Variants in CTNNA3 observed in about 807,000 individuals in gnomAD.
The protein encoded by CTNNA3 is catenin alpha-3.
CTNNA3 carries 76 observed loss-of-function variants against 95.7 expected under a neutral mutation model. The observed-to-expected ratio is 0.79, with a 90% CI of 0.66 to 0.96. The LOEUF (loss-of-function observed/expected upper bound fraction) is 0.96. Among genes scored for constraint, CTNNA3 ranks in the 40% least tolerant of loss-of-function variants. CTNNA3 has a pLI of 0.00. For synonymous variants in CTNNA3, 431 were observed against 374.4 expected, an observed-to-expected ratio of 1.15 and a Z score of -1.74; for missense variants, 1,191 against 1,089.8, an observed-to-expected ratio of 1.09 and a Z score of -1.31.
intron 10 of CTNNA3, among the ~76,000 whole-genome samples, chr10:66,548,093 T>G (rs1156927944): frequency 6.6e-6 from 1 of 152,014 alleles, no homozygotes; most frequent in Non-Finnish European, 1.5e-5. Context: ...CATTTTGTAT[T>G]TTTAGTAGAG....
chr10:67,729,990 A>G (rs1589583656), intron 1 of CTNNA3, among the ~76,000 whole-genome samples: 1 of 152,166 alleles, frequency 6.6e-6, no homozygotes, highest in African/African-American at 2.4e-5. Context: ...AAAAAAATGT[A>G]AGAGGAAAAT....
At chr10:66,755,128 T>C (rs564222455) in intron 9 of CTNNA3, among the ~76,000 whole-genome samples, 1 of 152,294 alleles carries the variant, frequency 6.6e-6, no homozygotes, top group East Asian at 1.9e-4. Context: ...GAACTGGGCA[T>C]AAGCCGGAAT....
At chr10:66,543,595 G>C (rs951691871) in intron 10 of CTNNA3, among the ~76,000 whole-genome samples, 1 of 151,960 alleles carries the variant, frequency 6.6e-6, no homozygotes, top group Non-Finnish European at 1.5e-5. Flanking sequence ...ATTTCTGGTA[G>C]AGAAATTACA....
chr10:67,295,675 A>G (rs1840004493), intron 5 of CTNNA3, among the ~76,000 whole-genome samples: 1 of 152,246 alleles, frequency 6.6e-6, no homozygotes, highest in Admixed American at 6.5e-5. Context: ...AATGAAATCA[A>G]TAAAATCAGG....
chr10:67,652,726 TC>T (rs1839911979), intron 1 of CTNNA3, among the ~76,000 whole-genome samples: 2 of 113,290 alleles, frequency 1.8e-5, no homozygotes, highest in South Asian at 5.2e-4. Context: ...TCTACTCAAT[TC>T]AATTCCCTTA....
intron 8 of CTNNA3, among the ~76,000 whole-genome samples, chr10:66,774,521 C>T (rs1206913048): frequency 3.3e-5 from 5 of 151,880 alleles, no homozygotes; most frequent in Admixed American, 2.6e-4. Context: ...TTTTCACAGA[C>T]TTCAACATTA....
chr10:67,218,369 C>T (rs1051162635), intron 6 of CTNNA3, among the ~76,000 whole-genome samples: 4 of 152,114 alleles, frequency 2.6e-5, no homozygotes, highest in African/African-American at 9.7e-5. Context: ...ATACCCTTCC[C>T]AGGGTAGAGT....
chr10:66,614,119 G>GT (rs2132293939), intron 10 of CTNNA3, among the ~76,000 whole-genome samples: 1 of 152,196 alleles, frequency 6.6e-6, no homozygotes, highest in Admixed American at 6.5e-5. Flanking sequence ...ACAAGTTGCT[G>GT]TTTTTACAAA....
At chr10:66,009,331 T>G (rs1205559763) in intron 15 of CTNNA3, among the ~76,000 whole-genome samples, 1 of 152,084 alleles carries the variant, frequency 6.6e-6, no homozygotes, top group Non-Finnish European at 1.5e-5. Flanking sequence ...AAACAATGGG[T>G]CGCACTTAAG....
intron 5 of CTNNA3, among the ~76,000 whole-genome samples, chr10:67,367,768 A>G (rs1589221349): frequency 1.3e-5 from 2 of 152,186 alleles, no homozygotes; most frequent in Non-Finnish European, 2.9e-5. Flanking sequence ...CTGCAGCTGG[A>G]AGCCAATATC....
chr10:66,892,256 C>G lies in CTNNA3; in HGVS notation c.1048-116732G>C, dbSNP rs137896475. 3.5e-3 allele frequency among the ~76,000 whole-genome samples: 539 copies of G among 152,118 alleles called. 2 individuals are homozygous for G. Among genetic ancestry groups the G allele is most frequent in the African/African-American group, 0.012 (511 of 41,526 alleles). ...CTCCAAAACACTGAACTTTTAATTA[C>G]GGACGATGTCAAAATGCAATGTGTT... On this transcript the variant is annotated intron_variant, in intron 7 of 17. Coordinates refer to ENST00000433211, the MANE Select transcript of CTNNA3 (RefSeq NM_013266.4).
chr10:66,213,275 G>C (rs1025004727), intron 13 of CTNNA3, among the ~76,000 whole-genome samples: 2 of 152,094 alleles, frequency 1.3e-5, no homozygotes, highest in East Asian at 1.9e-4. Context: ...ATTTGAAGAT[G>C]AGTGTAGAAA....
chr10:67,070,671 C>T (rs10997493), intron 7 of CTNNA3, among the ~76,000 whole-genome samples: 4 of 151,650 alleles, frequency 2.6e-5, no homozygotes, highest in Admixed American at 6.6e-5. Context: ...CGCTTGAACC[C>T]GGGAGGCGGA....
At chr10:66,114,950 G>T (rs1399262798) in intron 13 of CTNNA3, among the ~76,000 whole-genome samples, 1 of 151,726 alleles carries the variant, frequency 6.6e-6, no homozygotes, top group African/African-American at 2.4e-5. Flanking sequence ...TCTATGGGTT[G>T]TAGAATATTA....
intron 9 of CTNNA3, among the ~76,000 whole-genome samples, chr10:66,683,194 A>G (rs1847127772): frequency 6.6e-6 from 1 of 152,186 alleles, no homozygotes; most frequent in African/African-American, 2.4e-5. Flanking sequence ...TGTCAAATAT[A>G]TTCAAACAAC....
intron 5 of CTNNA3, among the ~76,000 whole-genome samples, chr10:67,452,972 G>C (rs571935723): frequency 6.6e-6 from 1 of 152,302 alleles, no homozygotes; most frequent in Non-Finnish European, 1.5e-5. Flanking sequence ...AATAGTAGTG[G>C]AGGGTATTAG....
In CTNNA3 at chr10:65,946,508, C is replaced by T. The variant is rs577872994; in HGVS notation, c.2400+20104G>A. 6.6e-5 allele frequency among the ~76,000 whole-genome samples: 10 copies of T among 152,234 alleles called. No individual in the cohort carries two copies. In the South Asian group the frequency reaches 2.1e-3, roughly 32 times the overall value. On this transcript the variant is annotated intron_variant, in intron 17 of 17. Coordinates refer to ENST00000433211, the MANE Select transcript of CTNNA3 (RefSeq NM_013266.4). ...TAGTTATTATCTGGATCTCTACTTA[C>T]ACTACTTCCTAATTTAAACAAATCT...
At chr10:66,438,926 G>A (rs912943661) in intron 11 of CTNNA3, among the ~76,000 whole-genome samples, 1 of 152,128 alleles carries the variant, frequency 6.6e-6, no homozygotes, top group African/African-American at 2.4e-5. Context: ...GTCCCTCATG[G>A]CTTCCCTTGG....
At chr10:67,413,648 G>C (rs960702270) in intron 5 of CTNNA3, among the ~76,000 whole-genome samples, 10 of 152,076 alleles carry the variant, frequency 6.6e-5, no homozygotes, top group African/African-American at 2.4e-4. Context: ...TCTGCACACA[G>C]AACATATTCA....
Sources: allele counts gnomAD v4.1 joint callset (sites outside exome capture counted in the v4.1 genomes callset), GRCh38; gene constraint gnomAD v4.1.1; transcripts MANE v1.5; gene names NCBI Gene and HGNC (gene_info 2026-07-23, HGNC 2026-07-21).